Variants in JAZF1 observed in about 807,000 individuals in gnomAD.
The protein encoded by JAZF1 is juxtaposed with another zinc finger protein 1.
A neutral mutation model predicts 26.4 loss-of-function variants in JAZF1; 8 were observed. The observed-to-expected ratio is 0.30, with a 90% confidence interval of 0.18 to 0.55. The LOEUF (loss-of-function observed/expected upper bound fraction) is 0.55. Among genes scored for constraint, JAZF1 ranks in the 20% least tolerant of loss-of-function variants. The pLI is 0.94. For synonymous variants in JAZF1, 126 were observed against 122.3 expected (o/e 1.03, Z -0.20); for missense variants, 199 against 322.0 (o/e 0.62, Z 2.92).
At chr7:28,125,540 C>T (rs537402728) in intron 1 of JAZF1, among the ~76,000 whole-genome samples, 4 of 152,238 alleles carry the variant, frequency 2.6e-5, no homozygotes, top group South Asian at 4.1e-4. Flanking sequence ...TGAGTGTTAT[C>T]CCTTAAATGT....
chr7:28,049,211 T>C (rs1165051580), intron 1 of JAZF1, among the ~76,000 whole-genome samples: 1 of 150,886 alleles, frequency 6.6e-6, no homozygotes, highest in Non-Finnish European at 1.5e-5. Context: ...GTCTCCAGAG[T>C]AGTTGGGATT....
At chr7:28,074,045 A>G (rs756182791) in intron 1 of JAZF1, among the ~76,000 whole-genome samples, 2 of 150,856 alleles carry the variant, frequency 1.3e-5, no homozygotes, top group Non-Finnish European at 2.9e-5. Flanking sequence ...CTTATGCTTT[A>G]TTATAAAATT....
At chr7:27,978,285 C>G (rs1483165302) in intron 2 of JAZF1, among the ~76,000 whole-genome samples, 3 of 152,184 alleles carry the variant, frequency 2.0e-5, no homozygotes, top group African/African-American at 4.8e-5. Context: ...ACTCCTGCTC[C>G]TATACTCTTA....
intron 3 of JAZF1, chr7:27,843,596 A>C (rs528298500): frequency 1.3e-5 from 2 of 152,380 alleles, no homozygotes; most frequent in South Asian, 4.1e-4. Flanking sequence ...TCCCTACTAG[A>C]AAAAACACAA....
intron 1 of JAZF1, among the ~76,000 whole-genome samples, chr7:28,072,577 A>G (rs1332155763): frequency 6.6e-6 from 1 of 152,246 alleles, no homozygotes; most frequent in Non-Finnish European, 1.5e-5. Flanking sequence ...TAAAACTTAA[A>G]AAGACTAGAA....
intron 1 of JAZF1, among the ~76,000 whole-genome samples, chr7:28,091,599 T>C (rs1784296936): frequency 6.8e-6 from 1 of 147,248 alleles, no homozygotes; most frequent in South Asian, 2.1e-4. Flanking sequence ...AAGTTAAATA[T>C]ACATATATAT....
chr7:27,959,187 G>T (rs192646277), intron 2 of JAZF1, among the ~76,000 whole-genome samples: 1 of 152,358 alleles, frequency 6.6e-6, no homozygotes, highest in East Asian at 1.9e-4. Flanking sequence ...AGCAGATAAA[G>T]ATTTGACATC....
At chr7:27,869,064 A>G (rs1304069976) in intron 3 of JAZF1, among the ~76,000 whole-genome samples, 1 of 152,232 alleles carries the variant, frequency 6.6e-6, no homozygotes, top group Non-Finnish European at 1.5e-5. Flanking sequence ...TGCATTCACA[A>G]GTTGCAAACT....
At position 27,838,779 on chromosome 7, in the gene JAZF1, C is replaced by T. The variant is rs142877300; in HGVS notation, c.555+1919G>A. Among the ~76,000 whole-genome samples, 1,309 of 152,322 alleles carry T rather than the reference C, an allele frequency of 8.6e-3. 17 individuals are homozygous for T. Among genetic ancestry groups the T allele is most frequent in the African/African-American group, 0.029 (1,196 of 41,578 alleles). ...TCCAGCGCCTGGTCACAGGTGTGGTCACAAGCCTGCTATGGCCCTGTGTAT... is the reference window on the plus strand; with the variant it reads ...TCCAGCGCCTGGTCACAGGTGTGGTTACAAGCCTGCTATGGCCCTGTGTAT... On this transcript the variant is annotated intron_variant, in intron 4 of 4. Transcript: ENST00000283928.
At chr7:28,116,161 T>C (rs773994094) in intron 1 of JAZF1, among the ~76,000 whole-genome samples, 7 of 152,190 alleles carry the variant, frequency 4.6e-5, no homozygotes, top group Non-Finnish European at 7.3e-5. Context: ...GCAGGAGTAA[T>C]TGCCAAAGCC....
intron 1 of JAZF1, among the ~76,000 whole-genome samples, chr7:28,175,625 G>A (rs1783539123): frequency 6.6e-6 from 1 of 152,170 alleles, no homozygotes; most frequent in African/African-American, 2.4e-5. Flanking sequence ...GGCTGGATTC[G>A]CTATGCCACT....
intron 3 of JAZF1, among the ~76,000 whole-genome samples, chr7:27,890,894 A>G (rs1198351121): frequency 6.7e-6 from 1 of 150,044 alleles, no homozygotes; most frequent in African/African-American, 2.5e-5. Flanking sequence ...GGTTCAAGCA[A>G]TTCTCCTGCC....
At chr7:27,833,014 C>A in intron 4 of JAZF1, 38 bp from the exon 5 acceptor site, 1 of 1,479,100 alleles carries the variant, frequency 6.8e-7, no homozygotes, top group Non-Finnish European at 9.1e-7. Context: ...CATGGATTCA[C>A]AGGATACCTG....
chr7:28,040,394 G>C (rs1448805105), intron 1 of JAZF1, among the ~76,000 whole-genome samples: 5 of 152,148 alleles, frequency 3.3e-5, no homozygotes, highest in African/African-American at 1.2e-4. Flanking sequence ...AGAAAATATC[G>C]AAGAGAGATG....
chr7:27,914,741 A>G (rs1437304377), intron 2 of JAZF1: 5 of 470,980 alleles, frequency 1.1e-5, no homozygotes, highest in African/African-American at 2.0e-5. Context: ...TTTCATTTCC[A>G]CACAGGGGCC....
chr7:27,895,400 C>T lies in JAZF1; in HGVS notation c.205G>A (p.Ala69Thr). 1 of 1,600,654 alleles carries T rather than the reference C, an allele frequency of 6.2e-7. No homozygotes were observed. The highest frequency in any genetic ancestry group is 8.5e-7 in the Non-Finnish European group (1 of 1,173,408). Residue 69 changes from alanine (A) to threonine (T), a missense_variant, in exon 3 of 5, where the codon GCC becomes ACC. This residue lies in a region of JAZF1 where 137 missense variants were observed against 184.8 expected (regional missense o/e 0.74). Transcript: ENST00000283928. ...TTTAGGGACTCCTGCTCTCGGCGGG[C>T]AGCATCTGTCATGAATCTGAAACAA... Reference protein sequence around the residue: ...SYINRFMTDAARREQESLKKK... With the variant: ...SYINRFMTDATRREQESLKKK...
intron 1 of JAZF1, among the ~76,000 whole-genome samples, chr7:28,132,371 G>A (rs549664251): frequency 6.6e-6 from 1 of 152,308 alleles, no homozygotes; most frequent in East Asian, 1.9e-4. Flanking sequence ...AGCAAAGACT[G>A]TTTTACTTAG....
intron 3 of JAZF1, among the ~76,000 whole-genome samples, chr7:27,845,056 G>A (rs550615682): frequency 3.3e-5 from 5 of 152,270 alleles, no homozygotes; most frequent in Middle Eastern, 3.4e-3. Flanking sequence ...TCTGTGCCTC[G>A]CACCATCCCG....
At chr7:28,091,660 A>G (rs1198671375) in intron 1 of JAZF1, among the ~76,000 whole-genome samples, 1 of 150,264 alleles carries the variant, frequency 6.7e-6, no homozygotes, top group Non-Finnish European at 1.5e-5. Context: ...ACACACATAT[A>G]TATGCACATG....
Sources: allele counts gnomAD v4.1 joint callset (sites outside exome capture counted in the v4.1 genomes callset), GRCh38; gene constraint gnomAD v4.1.1; regional missense constraint gnomAD v4.1.1; transcripts MANE v1.5; gene names NCBI Gene and HGNC (gene_info 2026-07-23, HGNC 2026-07-21).